The following HECTD2 variants were observed in gnomAD, a reference collection of about 807,000 sequenced individuals.
HECTD2 encodes probable E3 ubiquitin-protein ligase HECTD2.
HECTD2 carries 35 observed loss-of-function variants against 103.2 expected under a neutral mutation model. That is an observed-to-expected ratio of 0.34 (90% CI 0.26 to 0.45). The LOEUF is 0.45. Ranked by LOEUF, HECTD2 falls within the 20% of genes least tolerant of loss-of-function variation. HECTD2 has a pLI of 1.00. For missense variants in HECTD2, 596 were observed against 937.4 expected, an observed-to-expected ratio of 0.64 and a Z score of 4.76; for synonymous variants, 281 against 329.9, an observed-to-expected ratio of 0.85 and a Z score of 1.61.
intron 5 of HECTD2, among the ~76,000 whole-genome samples, chr10:91,476,122 A>T (rs1845892104): frequency 6.6e-6 from 1 of 152,216 alleles, no homozygotes; most frequent in Non-Finnish European, 1.5e-5. Context: ...TACTGATAGG[A>T]ATGTTTTAGT....
At chr10:91,473,566 T>C (rs921414097) in intron 5 of HECTD2, among the ~76,000 whole-genome samples, 3 of 152,176 alleles carry the variant, frequency 2.0e-5, no homozygotes, top group Non-Finnish European at 2.9e-5. Context: ...ATGAGTTCAC[T>C]CACACACAGA....
Position 91,483,022 on chromosome 10 carries a change from A to G in HECTD2, c.767A>G (p.Gln256Arg). Residue 256 changes from glutamine to arginine, a missense_variant, in exon 8 of 21, where the codon CAG becomes CGG. This residue lies in a region of HECTD2 where 303 missense variants were observed against 522.5 expected (regional missense o/e 0.58). Transcript: ENST00000298068. ...TYVIYAHLLR[Q>R]IATLVEADHH... The stretch of plus-strand genomic sequence containing the variant: ...GTCATCTATGCTCACTTGCTACGAC[A>G]GATAGCTACCTTAGTGGAAGCTGAC... 2 of 1,593,402 alleles carry G rather than the reference A, an allele frequency of 1.3e-6. No homozygotes were observed. Among genetic ancestry groups the G allele is most frequent in the Non-Finnish European group, 1.7e-6 (2 of 1,163,744 alleles).
rs191371841 is a variant in HECTD2 at position 91,450,470 on chromosome 10, G to A, written c.269-9957G>A. Among the ~76,000 whole-genome samples, 468 of 152,236 alleles carry A rather than the reference G, an allele frequency of 3.1e-3. 2 individuals carry two copies. Among genetic ancestry groups the A allele is most frequent in the Non-Finnish European group, 5.1e-3 (345 of 67,996 alleles). ...CATTCAGGACATAGGCGTGGGCAAA[G>A]ACTTCACGGCTAAAACACCAAAAAC... On this transcript the variant is annotated intron_variant, in intron 2 of 20. Transcript: ENST00000298068.
At chr10:91,429,872 A>C (rs889103679) in intron 2 of HECTD2, among the ~76,000 whole-genome samples, 1 of 151,624 alleles carries the variant, frequency 6.6e-6, no homozygotes, top group Admixed American at 6.6e-5. Context: ...TTGTGTCTCT[A>C]TTTCCTTCAG....
chr10:91,436,498 G>C (rs1844125390), intron 2 of HECTD2, among the ~76,000 whole-genome samples: 1 of 151,918 alleles, frequency 6.6e-6, no homozygotes, highest in South Asian at 2.1e-4. Context: ...TCAGTAATTA[G>C]TTGTTTACTG....
chr10:91,511,826 G>T (rs926353171), intron 20 of HECTD2, among the ~76,000 whole-genome samples: 1 of 152,128 alleles, frequency 6.6e-6, no homozygotes, highest in Non-Finnish European at 1.5e-5. Context: ...TGGCCCTGGG[G>T]TTGGGAACTC....
At chr10:91,445,727 G>A (rs1466735799) in intron 2 of HECTD2, among the ~76,000 whole-genome samples, 3 of 152,126 alleles carry the variant, frequency 2.0e-5, no homozygotes, top group Admixed American at 6.5e-5. Flanking sequence ...GGTGCAGACT[G>A]TGGGGGGCAA....
chr10:91,425,180 G>A (rs550789482), intron 1 of HECTD2, 101 bp from the exon 2 acceptor site: 35 of 979,228 alleles, frequency 3.6e-5, no homozygotes, highest in South Asian at 2.1e-4. Context: ...TTATCTACTC[G>A]TCATCAAATT....
chr10:91,512,139 T>TG (rs1362218496), intron 20 of HECTD2, 125 bp from the exon 21 acceptor site: 1 of 978,288 alleles, frequency 1.0e-6, no homozygotes, highest in African/African-American at 1.6e-5. Flanking sequence ...AAGAAATGGA[T>TG]GAGTCATCTC....
intron 2 of HECTD2, among the ~76,000 whole-genome samples, chr10:91,430,158 G>C (rs910660132): frequency 6.6e-6 from 1 of 152,152 alleles, no homozygotes; most frequent in African/African-American, 2.4e-5. Flanking sequence ...TTCAGGAGTA[G>C]GTTGTTCAGT....
Position 91,462,156 on chromosome 10 carries a change from A to C in HECTD2, c.572A>C (p.Asn191Thr). 6.3e-7 allele frequency: 1 copy of C among 1,588,622 alleles called. No individual in the cohort carries two copies. Among genetic ancestry groups the C allele is most frequent in the Non-Finnish European group, 8.6e-7 (1 of 1,158,420 alleles). Residue 191 changes from asparagine (N) to threonine (T), a missense_variant, in exon 5 of 21, where the codon AAT becomes ACT. Asn to Thr is a moderately conservative substitution (Grantham distance 65, BLOSUM62 0). Transcript: ENST00000298068. ...EDSGINAKFV[N>T]AVYDTLLNTP... The stretch of plus-strand genomic sequence containing the variant: ...TCTGGGATTAATGCTAAATTTGTGA[A>C]TGCTGTGTATGATACCTTACTTAAT...
chr10:91,424,637 T>C (rs919103882), intron 1 of HECTD2, among the ~76,000 whole-genome samples: 1 of 152,148 alleles, frequency 6.6e-6, no homozygotes, highest in Non-Finnish European at 1.5e-5. Context: ...CTATGAATTT[T>C]ATAGAGTTGT....
At chr10:91,420,296 G>T in intron 1 of HECTD2, among the ~76,000 whole-genome samples, 1 of 140,406 alleles carries the variant, frequency 7.1e-6, no homozygotes, top group South Asian at 2.2e-4. Context: ...AAAAAAAAAA[G>T]AAAATCAGGC....
Position 91,513,681 on chromosome 10 carries a change from A to AAGTT in HECTD2, c.*1299_*1302dup, listed in dbSNP as rs1480597971. ...AACAGCTTTCCTTCAGAAAACTCTG[A>AAGTT]AGTTATATTTGCAATAATAATGAAA... On this transcript the variant is annotated 3_prime_UTR_variant, in exon 21 of 21. Coordinates refer to ENST00000298068, the MANE Select transcript of HECTD2 (RefSeq NM_182765.6). The AAGTT allele has an allele frequency of 1.3e-5, 2 of 152,602 alleles. No homozygotes were observed. The highest frequency in any genetic ancestry group is 2.9e-5 in the Non-Finnish European group (2 of 68,026). 9.5% of individuals were successfully genotyped at this position (152,602 alleles called of 1,614,324 possible).
chr10:91,484,378 A>G (rs1846194581), intron 8 of HECTD2, 129 bp from the exon 9 acceptor site: 2 of 1,441,436 alleles, frequency 1.4e-6, no homozygotes, highest in South Asian at 1.3e-5. Context: ...ATGTTTGGCA[A>G]TTTAAGAAAT....
At chr10:91,482,450 A>G (rs921242392) in intron 7 of HECTD2, among the ~76,000 whole-genome samples, 1 of 151,858 alleles carries the variant, frequency 6.6e-6, no homozygotes, top group Non-Finnish European at 1.5e-5. Flanking sequence ...GTTCTTTGTG[A>G]TATATGAGGC....
chr10:91,419,805 C>T (rs1158470563), intron 1 of HECTD2, among the ~76,000 whole-genome samples: 1 of 152,156 alleles, frequency 6.6e-6, no homozygotes, highest in African/African-American at 2.4e-5. Context: ...TATTCCTCAA[C>T]ACCCCCAGCC....
intron 1 of HECTD2, among the ~76,000 whole-genome samples, chr10:91,423,129 G>A (rs139985402): frequency 1.3e-5 from 2 of 152,246 alleles, no homozygotes; most frequent in African/African-American, 4.8e-5. Context: ...ATAGGCTGAT[G>A]TGTTCAACAC....
intron 2 of HECTD2, among the ~76,000 whole-genome samples, chr10:91,455,427 T>G (rs1425643670): frequency 1.3e-5 from 2 of 152,194 alleles, no homozygotes; most frequent in African/African-American, 2.4e-5. Context: ...TTGTTTGTTT[T>G]TTTCTTGTAA....
Sources: gnomAD v4.1 joint callset for allele counts (sites outside exome capture counted in the v4.1 genomes callset) on GRCh38, gnomAD v4.1.1 for gene constraint, gnomAD v4.1.1 regional missense constraint, MANE v1.5 for transcripts, NCBI Gene and HGNC (gene_info 2026-07-23, HGNC 2026-07-21) for gene names.